The following SFSWAP variants were observed in gnomAD, a reference collection of about 807,000 sequenced individuals.
SFSWAP encodes splicing factor SWAP.
A neutral mutation model predicts 100.7 loss-of-function variants in SFSWAP; 17 were observed. The observed-to-expected ratio is 0.17, with a 90% CI of 0.12 to 0.25. The LOEUF (loss-of-function observed/expected upper bound fraction) is 0.25. Among genes scored for constraint, SFSWAP ranks in the 10% least tolerant of loss-of-function variants. The pLI, the probability that SFSWAP is intolerant of heterozygous loss-of-function variation, is 1.00. For synonymous variants in SFSWAP, 504 were observed against 510.1 expected (o/e 0.99, Z 0.16); for missense variants, 1,005 against 1,262.6 (o/e 0.80, Z 3.09).
chr12:131,716,423 C>T (rs1877920637), intron 3 of SFSWAP, among the ~76,000 whole-genome samples: 1 of 152,336 alleles, frequency 6.6e-6, no homozygotes. Context: ...CCAGAATAAG[C>T]TCTCCTTCCT....
intron 13 of SFSWAP, among the ~76,000 whole-genome samples, chr12:131,774,706 A>G (rs1448050981): frequency 6.6e-6 from 1 of 152,196 alleles, no homozygotes; most frequent in Non-Finnish European, 1.5e-5. Context: ...ATAATGAACC[A>G]TCTTAATTCA....
In SFSWAP at chr12:131,754,404, C is replaced by A; in HGVS notation, c.1359C>A (p.Pro453=). The A allele has an allele frequency of 6.3e-7, 1 of 1,597,376 alleles. No individual in the cohort carries two copies. The highest frequency in any genetic ancestry group is 8.5e-7 in the Non-Finnish European group (1 of 1,173,976). The change falls in exon 9 of 18, where the codon CCC becomes CCA. Residue 453 remains proline, a synonymous_variant. Transcript: ENST00000261674. Reference sequence around the variant, plus strand: ...CCGTGGCCGCCATCATCCCCCCGCCCCCCGACGTCCAGCCCGTGATTGACA... The same window carrying A: ...CCGTGGCCGCCATCATCCCCCCGCCACCCGACGTCCAGCCCGTGATTGACA... ...LAPVAAIIPP[P]PDVQPVIDKL...
At chr12:131,756,866 CTGTT>C (rs768004135) in intron 11 of SFSWAP, 16 of 540,946 alleles carry the variant, frequency 3.0e-5, no homozygotes, top group Non-Finnish European at 4.6e-5. Context: ...AGGTATGTGT[CTGTT>C]TAACAGTCTG....
chr12:131,722,620 G>A (rs1267195145), intron 4 of SFSWAP, among the ~76,000 whole-genome samples: 1 of 152,124 alleles, frequency 6.6e-6, no homozygotes, highest in African/African-American at 2.4e-5. Context: ...TGTACTAAGT[G>A]CTTCTCTAGG....
rs1428177462 is a variant in SFSWAP, at chr12:131,733,930, C to A, written c.1081+5502C>A. ...TACCTCCTAGATACAGACAAGACCC[C>A]AAACACACACATGGGAGCCCTGAGC... On this transcript the variant is annotated intron_variant, in intron 7 of 17. Coordinates refer to ENST00000261674, the MANE Select transcript of SFSWAP (RefSeq NM_004592.4). The surrounding 1 kb of genome is among the most constrained non-coding windows in gnomAD (Gnocchi z 5.1). Among the ~76,000 whole-genome samples, 1 of 152,208 alleles carries A rather than the reference C, an allele frequency of 6.6e-6. No individual in the cohort carries two copies. Among genetic ancestry groups the A allele is most frequent in the Non-Finnish European group, 1.5e-5 (1 of 68,022 alleles).
At chr12:131,760,340 G>A (rs1001748511) in intron 11 of SFSWAP, among the ~76,000 whole-genome samples, 9 of 152,220 alleles carry the variant, frequency 5.9e-5, no homozygotes, top group Middle Eastern at 6.8e-3. Flanking sequence ...AATACAAAAA[G>A]ACAGTCACTG....
chr12:131,795,612 T>C (rs571095172), intron 15 of SFSWAP, among the ~76,000 whole-genome samples: 18 of 151,964 alleles, frequency 1.2e-4, no homozygotes, highest in African/African-American at 3.4e-4. Context: ...AAGAAATGCA[T>C]GAAGTCCGGA....
chr12:131,729,924 G>GT (rs776222522), intron 7 of SFSWAP, among the ~76,000 whole-genome samples: 69 of 152,170 alleles, frequency 4.5e-4, no homozygotes, highest in Non-Finnish European at 8.5e-4. Context: ...CATACTAAAC[G>GT]TTTTTAGACT....
intron 7 of SFSWAP, among the ~76,000 whole-genome samples, chr12:131,728,702 CTT>C (rs767892575): frequency 2.4e-4 from 34 of 139,026 alleles, no homozygotes; most frequent in Admixed American, 3.6e-4. Context: ...GCCCTTCTTT[CTT>C]TTTTTTTTTT....
At chr12:131,721,000 A>G (rs1878424441) in intron 4 of SFSWAP, among the ~76,000 whole-genome samples, 1 of 152,294 alleles carries the variant, frequency 6.6e-6, no homozygotes, top group Non-Finnish European at 1.5e-5. Context: ...GCTTCTGGGG[A>G]GGCCTCAGGA....
At chr12:131,799,254 C>T (rs1019574404) in intron 17 of SFSWAP, 145 bp downstream of exon 17, 1 of 1,010,608 alleles carries the variant, frequency 9.9e-7, no homozygotes, top group Non-Finnish European at 1.5e-6. Context: ...CTGGGTGAGG[C>T]CGAGGGCAAA....
In SFSWAP at chr12:131,768,254, C is replaced by T. The variant is rs559006633; in HGVS notation, c.2142+1946C>T. ...CGCAGCCACGTTGCTCCAAGTGGCC[C>T]CACGTGTCTTTTGTAGATCTTTTTT... On this transcript the variant is annotated intron_variant, in intron 13 of 17. Transcript: ENST00000261674. 9.2e-5 allele frequency among the ~76,000 whole-genome samples: 14 copies of T among 152,320 alleles called. No homozygotes were observed. In the South Asian group the frequency reaches 2.5e-3, roughly 27 times the overall value.
At position 131,762,637 on chromosome 12, in the gene SFSWAP, G is replaced by T. The variant is rs151328139; in HGVS notation, c.1721-1819G>T. ...GATAGAATCTCACTCTGTCACCCAGGCTGGAGTAGTGCAGTGGCGTGATCT... is the reference window on the plus strand; with the variant it reads ...GATAGAATCTCACTCTGTCACCCAGTCTGGAGTAGTGCAGTGGCGTGATCT... On this transcript the variant is annotated intron_variant, in intron 11 of 17. Transcript: ENST00000261674. Among the ~76,000 whole-genome samples the T allele has an allele frequency of 5.7e-3, 864 of 152,180 alleles. 6 individuals carry two copies. Among genetic ancestry groups the T allele is most frequent in the African/African-American group, 0.02 (826 of 41,506 alleles).
At chr12:131,795,188 G>A (rs1013007995) in intron 15 of SFSWAP, among the ~76,000 whole-genome samples, 1 of 152,188 alleles carries the variant, frequency 6.6e-6, no homozygotes, top group African/African-American at 2.4e-5. Context: ...CAAGTCATCT[G>A]CCCGGGCCCA....
Position 131,728,426 on chromosome 12 carries a change from A to G in SFSWAP, c.1079A>G (p.Asp360Gly), listed in dbSNP as rs996659585. The change falls in exon 7 of 18, where the codon GAC becomes GGC. Residue 360 changes from aspartate (D) to glycine (G), a missense_variant and splice_region_variant. This residue lies in a region of SFSWAP where 311 missense variants were observed against 317.8 expected (regional missense o/e 0.98). Coordinates refer to ENST00000261674, the MANE Select transcript of SFSWAP (RefSeq NM_004592.4). Reference protein sequence around the residue: ...VQPSQVEYTADSTVAAMYYSY... With the variant: ...VQPSQVEYTAGSTVAAMYYSY... ...CCCTCCCAGGTGGAGTACACGGCAG[A>G]CTGTGAGTACTCACTGTGTATGTCC... The G allele has an allele frequency of 2.5e-6, 4 of 1,613,942 alleles. No individual in the cohort carries two copies. In the East Asian group the frequency reaches 6.7e-5, roughly 27 times the overall value.
chr12:131,743,232 A>G (rs1027259764), intron 7 of SFSWAP, among the ~76,000 whole-genome samples: 1 of 152,170 alleles, frequency 6.6e-6, no homozygotes, highest in Non-Finnish European at 1.5e-5. Flanking sequence ...GCAGTCCCCC[A>G]AAGTCTTAAC....
intron 15 of SFSWAP, among the ~76,000 whole-genome samples, chr12:131,793,738 A>G (rs1331194539): frequency 6.6e-6 from 1 of 152,076 alleles, no homozygotes; most frequent in Non-Finnish European, 1.5e-5. Context: ...AAAGGACCCA[A>G]TTAGAAGGGG....
chr12:131,754,095 A>G (rs1881917694), intron 8 of SFSWAP, among the ~76,000 whole-genome samples: 1 of 152,194 alleles, frequency 6.6e-6, no homozygotes, highest in Non-Finnish European at 1.5e-5. Flanking sequence ...GTTATTTCTA[A>G]GAATTAGCTT....
intron 12 of SFSWAP, 47 bp downstream of exon 12, chr12:131,764,733 A>C: frequency 7.2e-7 from 1 of 1,380,894 alleles, no homozygotes; most frequent in Non-Finnish European, 1.0e-6. Flanking sequence ...AAATACACAA[A>C]TATAAGATTT....
Sources: allele counts gnomAD v4.1 joint callset (sites outside exome capture counted in the v4.1 genomes callset), GRCh38; gene constraint gnomAD v4.1.1; regional missense constraint gnomAD v4.1.1; non-coding constraint Gnocchi (gnomAD v3.1); transcripts MANE v1.5; gene names NCBI Gene and HGNC (gene_info 2026-07-23, HGNC 2026-07-21).